Variants in CASKIN2 observed in about 807,000 individuals in gnomAD.
CASKIN2 encodes the protein caskin-2.
CASKIN2 carries 41 observed loss-of-function variants against 107.1 expected under a neutral mutation model. The ratio of observed to expected loss-of-function variants is 0.38; its 90% CI spans 0.30 to 0.50. The LOEUF (loss-of-function observed/expected upper bound fraction) is 0.50. CASKIN2 is among the 20% of genes least tolerant of loss of function. The pLI is 0.92. For missense variants in CASKIN2, 1,546 were observed against 1,657.4 expected (o/e 0.93, Z 1.17); for synonymous variants, 724 against 705.6 (o/e 1.03, Z -0.41).
intron 2 of CASKIN2, among the ~76,000 whole-genome samples, chr17:75,510,960 C>T (rs1169244868): frequency 2.0e-5 from 3 of 151,818 alleles, no homozygotes; most frequent in African/African-American, 7.3e-5. Context: ...TAGTACCAGC[C>T]ACTCAGGAGG....
chr17:75,503,890 C>A lies in CASKIN2; in HGVS notation c.1540G>T (p.Gly514Cys). 6.2e-7 allele frequency: 1 copy of A among 1,612,824 alleles called. No homozygotes were observed. The highest frequency in any genetic ancestry group is 8.5e-7 in the Non-Finnish European group (1 of 1,179,930). Residue 514 changes from glycine to cysteine, a missense_variant, in exon 15 of 20, where the codon GGC (glycine) becomes TGC (cysteine). Coordinates refer to ENST00000321617, the MANE Select transcript of CASKIN2 (RefSeq NM_020753.5). ...EGYTAHFLQAGYDVPTISRMT... is the reference protein window; with the variant it reads ...EGYTAHFLQACYDVPTISRMT... The stretch of plus-strand genomic sequence containing the variant: ...CGGCTGATGGTAGGCACATCATAGC[C>A]GGCCTGCAGAAAGTGGGCAGTGTAG...
Position 75,508,365 on chromosome 17 carries a change from CG to C in CASKIN2, c.95-81del, listed in dbSNP as rs1436235305. 2.2e-5 allele frequency: 33 copies of C among 1,488,234 alleles called. No homozygotes were observed. The African/African-American group carries it at 4.2e-4, about 19-fold the overall frequency. The allele number at this position is 1,488,234 out of a possible 1,614,324, so 92.2% of individuals were successfully genotyped here. A position where few individuals can be genotyped will look rare whatever the true frequency, so the allele number is the denominator to read the frequency against. On this transcript the variant is annotated intron_variant, in intron 2 of 19. Coordinates refer to ENST00000321617, the MANE Select transcript of CASKIN2 (RefSeq NM_020753.5). Reference sequence around the variant, plus strand: ...ATCCCTCCCCCCACCTGTCACAGCCCGGCTGACCTCTTGGCGTGCAGGAAAG... The same window carrying C: ...ATCCCTCCCCCCACCTGTCACAGCCCGCTGACCTCTTGGCGTGCAGGAAAG...
Position 75,502,664 on chromosome 17 carries a change from G to C in CASKIN2, c.2410C>G (p.Pro804Ala), listed in dbSNP as rs761740629. The C allele has an allele frequency of 2.5e-6, 4 of 1,603,236 alleles. No individual in the cohort carries two copies. The highest frequency in any genetic ancestry group is 3.4e-6 in the Non-Finnish European group (4 of 1,174,748). Residue 804 changes from proline to alanine, a missense_variant, in exon 18 of 20, where the codon CCT becomes GCT. By Grantham distance (27) the Pro-to-Ala change is conservative. Transcript: ENST00000321617. The surrounding 1 kb of genome is among the most constrained non-coding windows in gnomAD (Gnocchi z 4.3). The stretch of plus-strand genomic sequence containing the variant: ...TCAGCATCCCCCTCTGTGGGGCCAG[G>C]GCGGCTTAGGCTGTGGGACCGGCGC... ...PKRRSHSLSR[P>A]GPTEGDAEGE...
At chr17:75,510,156 G>A (rs1410663016) in intron 2 of CASKIN2, among the ~76,000 whole-genome samples, 1 of 152,182 alleles carries the variant, frequency 6.6e-6, no homozygotes, top group Admixed American at 6.5e-5. Flanking sequence ...GGCCGCCCCA[G>A]CACACCCCAT....
chr17:75,506,459 G>GT lies in CASKIN2; in HGVS notation c.618-47dup. On this transcript the variant is annotated intron_variant, in intron 7 of 19. Transcript: ENST00000321617. The surrounding 1 kb of genome is among the most constrained non-coding windows in gnomAD (Gnocchi z 4.8). ...CACGGGGGAGGTGGCGTAGGAGGGG[G>GT]TGCTGACTGCTGGGGGCCTGGGAGA... 2 of 1,570,942 alleles carry GT rather than the reference G, an allele frequency of 1.3e-6. No homozygotes were observed. Among genetic ancestry groups the GT allele is most frequent in the Non-Finnish European group, 1.7e-6 (2 of 1,151,114 alleles).
In CASKIN2 at chr17:75,502,460, G is replaced by A. The variant is rs1223713325; in HGVS notation, c.2614C>T (p.Pro872Ser). 3 of 1,440,730 alleles carry A rather than the reference G, an allele frequency of 2.1e-6. No individual in the cohort carries two copies. The highest frequency in any genetic ancestry group is 2.7e-6 in the Non-Finnish European group (3 of 1,092,494). The allele number at this position is 1,440,730 out of a possible 1,614,324, so 89.2% of individuals were successfully genotyped here. The change falls in exon 18 of 20, where the codon CCC becomes TCC. Residue 872 changes from proline (P) to serine (S), a missense_variant. This residue lies in a region of CASKIN2 where 1,311 missense variants were observed against 1,311.0 expected (regional missense o/e 1.00). Transcript: ENST00000321617. This position sits in a 1 kb window ranked among gnomAD's most constrained non-coding sequence, Gnocchi z 4.3. Reference protein sequence around the residue: ...RARRKGPPPPPPKRLSSVSGP... With the variant: ...RARRKGPPPPSPKRLSSVSGP... ...GAGACGGAGCTGAGGCGCTTGGGGG[G>A]CGGGGGCGGGGGGCCTTTGCGCCGG...
At position 75,507,682 on chromosome 17, in the gene CASKIN2, CTGA is replaced by C; in HGVS notation, c.147-4_147-2del. 2 of 1,610,586 alleles carry C rather than the reference CTGA, an allele frequency of 1.2e-6. No homozygotes were observed. Among genetic ancestry groups the C allele is most frequent in the South Asian group, 1.1e-5 (1 of 90,774 alleles). On this transcript the variant is annotated splice_acceptor_variant and splice_polypyrimidine_tract_variant and intron_variant, in intron 3 of 19. Transcript: ENST00000321617. LOFTEE classifies it high-confidence loss of function. ...AGCAGCGTGGTGGAGGGCAGAGAAT[CTGA>C]TGTGGGAGGACACAAAGTTAGGGGT...
intron 19 of CASKIN2, 125 bp from the exon 20 acceptor site, chr17:75,501,295 T>C: frequency 3.4e-6 from 4 of 1,186,804 alleles, no homozygotes; most frequent in Non-Finnish European, 4.7e-6. Flanking sequence ...CTCCTGTGCC[T>C]CTTAAATGGT....
chr17:75,508,149 T>C (rs1270827746), intron 3 of CASKIN2, 85 bp downstream of exon 3: 2 of 1,438,560 alleles, frequency 1.4e-6, no homozygotes, highest in Non-Finnish European at 1.9e-6. Flanking sequence ...ACCCTGGGCC[T>C]CAGGATCTTT....
At chr17:75,509,637 A>C in intron 2 of CASKIN2, 3 of 985,486 alleles carry the variant, frequency 3.0e-6, no homozygotes, top group Non-Finnish European at 3.6e-6. Flanking sequence ...GAACCATTTG[A>C]GGCAGTAGAA....
At chr17:75,511,292 G>A (rs533152272) in intron 2 of CASKIN2, among the ~76,000 whole-genome samples, 9 of 152,016 alleles carry the variant, frequency 5.9e-5, no homozygotes, top group South Asian at 2.1e-4. Context: ...AACTCCTGAC[G>A]TCAAGTGATC....
In CASKIN2 at chr17:75,504,801, G is replaced by A. The variant is rs779977036; in HGVS notation, c.1192+11C>T. ...ACACAGTGCCCAGCACTGCCCCCTGGGAGGATGTACCTGGGCTGTCTGGGC... is the reference window on the plus strand; with the variant it reads ...ACACAGTGCCCAGCACTGCCCCCTGAGAGGATGTACCTGGGCTGTCTGGGC... On this transcript the variant is annotated intron_variant, in intron 11 of 19. Transcript: ENST00000321617. 1 of 1,605,754 alleles carries A rather than the reference G, an allele frequency of 6.2e-7. No individual in the cohort carries two copies. The highest frequency in any genetic ancestry group is 1.3e-5 in the African/African-American group (1 of 74,832).
rs535916842 is a variant in CASKIN2 at position 75,502,680 on chromosome 17, G to A, written c.2394C>T (p.Ser798=). The A allele has an allele frequency of 6.2e-7, 1 of 1,601,800 alleles. No homozygotes were observed. The highest frequency in any genetic ancestry group is 1.3e-5 in the African/African-American group (1 of 74,792). ...TGGGGCCAGGGCGGCTTAGGCTGTG[G>A]GACCGGCGCTTAGGTCGAGGCGGGT... The part of the protein sequence containing the change: ...PPDPPRPKRR[S]HSLSRPGPTE... Residue 798 remains serine (S), a synonymous_variant, in exon 18 of 20, where the codon TCC becomes TCT. Coordinates refer to ENST00000321617, the MANE Select transcript of CASKIN2 (RefSeq NM_020753.5). This position sits in a 1 kb window ranked among gnomAD's most constrained non-coding sequence, Gnocchi z 4.3.
Position 75,506,249 on chromosome 17 carries a change from G to T in CASKIN2, c.726+56C>A. On this transcript the variant is annotated intron_variant, in intron 8 of 19. Coordinates refer to ENST00000321617, the MANE Select transcript of CASKIN2 (RefSeq NM_020753.5). The surrounding 1 kb of genome is among the most constrained non-coding windows in gnomAD (Gnocchi z 4.8). ...GTCCCGTACCTCCCCAGCCAGTCAG[G>T]GGCACAGGGCAGAGGCTCCATGGAC... 6.9e-7 allele frequency: 1 copy of T among 1,458,020 alleles called. No homozygotes were observed. The highest frequency in any genetic ancestry group is 9.5e-7 in the Non-Finnish European group (1 of 1,048,782). 90.3% of individuals were successfully genotyped at this position (1,458,020 alleles called of 1,614,324 possible).
intron 2 of CASKIN2, 70 bp from the exon 3 acceptor site, chr17:75,508,355 T>C: frequency 1.3e-6 from 2 of 1,532,784 alleles, no homozygotes; most frequent in Non-Finnish European, 1.8e-6. Context: ...TCCCCCCACC[T>C]GTCACAGCCC....
chr17:75,504,517 G>C (rs1273713713), intron 12 of CASKIN2, 37 bp from the exon 13 acceptor site: 3 of 1,595,816 alleles, frequency 1.9e-6, no homozygotes, highest in Admixed American at 1.7e-5. Context: ...TCAGCATTTG[G>C]GGAACTGGCA....
chr17:75,514,169 C>T lies in CASKIN2; in HGVS notation c.-365G>A, dbSNP rs1263957598. The T allele has an allele frequency of 1.2e-5, 6 of 517,596 alleles. No individual in the cohort carries two copies. Among genetic ancestry groups the T allele is most frequent in the Non-Finnish European group, 2.0e-5 (6 of 293,714 alleles). 32.1% of individuals were successfully genotyped at this position (517,596 alleles called of 1,614,324 possible). A position where few individuals can be genotyped will look rare whatever the true frequency, so the allele number is the denominator to read the frequency against. On this transcript the variant is annotated 5_prime_UTR_variant, in exon 2 of 20. Transcript: ENST00000321617. Reference sequence around the variant, plus strand: ...CCACCCAGAGAGCAGCCAGCATTCCCTTGGGCCTCAGGCAGCAGCGGTGCA... The same window carrying T: ...CCACCCAGAGAGCAGCCAGCATTCCTTTGGGCCTCAGGCAGCAGCGGTGCA...
At position 75,506,398 on chromosome 17, in the gene CASKIN2, A is replaced by G; in HGVS notation, c.633T>C (p.Ala211=). 6.2e-7 allele frequency: 1 copy of G among 1,608,930 alleles called. No homozygotes were observed. The highest frequency in any genetic ancestry group is 1.1e-5 in the South Asian group (1 of 91,006). Residue 211 remains alanine, a synonymous_variant, in exon 8 of 20, where the codon GCT becomes GCC. Transcript: ENST00000321617. The surrounding 1 kb of genome is among the most constrained non-coding windows in gnomAD (Gnocchi z 4.8). ...HREVIRQLLR[A]GIEINRQTKT... Reference sequence around the variant, plus strand: ...TGGTCTGGCGGTTGATCTCGATCCCAGCTCTCAGGAGCTGCCTGCAGTGGA... The same window carrying G: ...TGGTCTGGCGGTTGATCTCGATCCCGGCTCTCAGGAGCTGCCTGCAGTGGA...
chr17:75,511,097 G>A (rs538451886), intron 2 of CASKIN2, among the ~76,000 whole-genome samples: 148 of 118,692 alleles, frequency 1.2e-3, no homozygotes, highest in Middle Eastern at 8.2e-3. Flanking sequence ...CTCTTGCTCT[G>A]TTGCCCAGGC....
Sources: allele counts gnomAD v4.1 joint callset (sites outside exome capture counted in the v4.1 genomes callset), GRCh38; gene constraint gnomAD v4.1.1; regional missense constraint gnomAD v4.1.1; non-coding constraint Gnocchi (gnomAD v3.1); transcripts MANE v1.5; gene names NCBI Gene and HGNC (gene_info 2026-07-23, HGNC 2026-07-21).